Variants in AOX1 observed in about 807,000 individuals in gnomAD.
The protein encoded by AOX1 is aldehyde oxidase.
A neutral mutation model predicts 169.5 loss-of-function variants in AOX1; 153 were observed. The ratio of observed to expected loss-of-function variants is 0.90; its 90% CI spans 0.79 to 1.03. The LOEUF (loss-of-function observed/expected upper bound fraction) is 1.03. Among genes scored for constraint, AOX1 ranks in the 50% least tolerant of loss-of-function variants. The pLI, the probability that AOX1 is intolerant of heterozygous loss-of-function variation, is 0.00. For missense variants in AOX1, 1,656 were observed against 1,663.9 expected (o/e 1.00, Z 0.08); for synonymous variants, 562 against 581.9 (o/e 0.97, Z 0.49).
intron 26 of AOX1, among the ~76,000 whole-genome samples, chr2:200,651,768 T>C (rs1162929822): frequency 6.6e-6 from 1 of 152,236 alleles, no homozygotes; most frequent in Non-Finnish European, 1.5e-5. Context: ...CTCTTGCAGT[T>C]TAATTTCTTT....
At chr2:200,646,703 G>A (rs2035459642) in intron 25 of AOX1, among the ~76,000 whole-genome samples, 1 of 151,944 alleles carries the variant, frequency 6.6e-6, no homozygotes, top group Admixed American at 6.6e-5. Context: ...CATTTCTTAG[G>A]TCTATTAGTA....
At chr2:200,589,670 G>T (rs1463613469) in intron 1 of AOX1, among the ~76,000 whole-genome samples, 2 of 152,178 alleles carry the variant, frequency 1.3e-5, no homozygotes, top group African/African-American at 4.8e-5. Flanking sequence ...AACAATTGTT[G>T]CTATCTGGAC....
intron 24 of AOX1, among the ~76,000 whole-genome samples, chr2:200,641,695 T>A (rs960441402): frequency 5.4e-5 from 8 of 148,966 alleles, no homozygotes; most frequent in Non-Finnish European, 8.9e-5. Flanking sequence ...GCCTAGCTAA[T>A]TTTTTTTTAT....
At chr2:200,666,272 C>T (rs750427552) in intron 31 of AOX1, among the ~76,000 whole-genome samples, 1 of 152,154 alleles carries the variant, frequency 6.6e-6, no homozygotes, top group Non-Finnish European at 1.5e-5. Context: ...GTAAACATTC[C>T]TCAGCCAGTT....
intron 1 of AOX1, among the ~76,000 whole-genome samples, chr2:200,591,481 G>A (rs916992082): frequency 1.6e-4 from 24 of 152,198 alleles, no homozygotes; most frequent in African/African-American, 5.8e-4. Context: ...ATGCAGTGAA[G>A]GTGAAAGTCC....
At chr2:200,615,727 G>T (rs2034741473) in intron 15 of AOX1, among the ~76,000 whole-genome samples, 1 of 152,220 alleles carries the variant, frequency 6.6e-6, no homozygotes, top group South Asian at 2.1e-4. Flanking sequence ...GCTGGTGGAA[G>T]CCAGTTACCT....
intron 19 of AOX1, among the ~76,000 whole-genome samples, chr2:200,624,219 C>A (rs191238158): frequency 2.6e-5 from 4 of 152,198 alleles, no homozygotes; most frequent in Non-Finnish European, 5.9e-5. Context: ...CACAGATGGC[C>A]GCCAGGACAA....
chr2:200,613,552 A>G (rs2034689258), intron 14 of AOX1, among the ~76,000 whole-genome samples: 1 of 152,182 alleles, frequency 6.6e-6, no homozygotes, highest in Non-Finnish European at 1.5e-5. Flanking sequence ...TGGATTTTAT[A>G]TGAGTTGTCA....
intron 4 of AOX1, among the ~76,000 whole-genome samples, chr2:200,597,855 T>C (rs1352646608): frequency 6.6e-6 from 1 of 152,186 alleles, no homozygotes; most frequent in Non-Finnish European, 1.5e-5. Context: ...ACACCTGTAA[T>C]CCCAACACTT....
intron 21 of AOX1, among the ~76,000 whole-genome samples, chr2:200,636,549 A>G (rs1190533091): frequency 6.6e-6 from 1 of 152,216 alleles, no homozygotes; most frequent in East Asian, 1.9e-4. Context: ...GATTAGTGTG[A>G]ATAGAATACT....
rs937144407 is a variant in AOX1, at chr2:200,665,903, G to A, written c.3544-784G>A. Among the ~76,000 whole-genome samples the A allele has an allele frequency of 5.9e-5, 9 of 152,156 alleles. 1 individual carries two copies. Among genetic ancestry groups the A allele is most frequent in the African/African-American group, 2.2e-4 (9 of 41,428 alleles). Reference sequence around the variant, plus strand: ...TAAATAAGAAATGTGAGTTCCTGAAGTTTTATTATTGTCAAACATTCCAGA... The same window carrying A: ...TAAATAAGAAATGTGAGTTCCTGAAATTTTATTATTGTCAAACATTCCAGA... On this transcript the variant is annotated intron_variant, in intron 31 of 34. Coordinates refer to ENST00000374700, the MANE Select transcript of AOX1 (RefSeq NM_001159.4).
chr2:200,609,197 C>A, intron 11 of AOX1, 62 bp downstream of exon 11: 1 of 1,598,310 alleles, frequency 6.3e-7, no homozygotes, highest in Non-Finnish European at 8.5e-7. Context: ...CCTGATGAAT[C>A]ATGACATTTT....
rs759307760 is a variant in AOX1 at position 200,651,014 on chromosome 2, C to G, written c.2888C>G (p.Pro963Arg). ...INMYKEIDQT[P>R]YKQEINAKNL... ...ATGTACAAGGAAATTGATCAAACAC[C>G]CTACAAACAAGAGATCAATGCCAAG... is the stretch of plus-strand genomic sequence containing the variant. The change falls in exon 26 of 35, where the codon CCC becomes CGC. Residue 963 changes from proline to arginine, a missense_variant. By Grantham distance (103) the Pro-to-Arg change is moderately radical. Transcript: ENST00000374700. 11 of 1,614,012 alleles carry G rather than the reference C, an allele frequency of 6.8e-6. No individual in the cohort carries two copies. The highest frequency in any genetic ancestry group is 8.5e-6 in the Non-Finnish European group (10 of 1,180,036).
intron 21 of AOX1, among the ~76,000 whole-genome samples, chr2:200,636,117 CTTTTTTTTTT>C (rs765127387): frequency 1.9e-5 from 1 of 53,952 alleles, no homozygotes; most frequent in Non-Finnish European, 3.3e-5. Context: ...GTGAGAAGTG[CTTTTTTTTTT>C]TTTTTTTTTT....
At chr2:200,658,725 G>A (rs369738375) in intron 27 of AOX1, among the ~76,000 whole-genome samples, 6 of 152,266 alleles carry the variant, frequency 3.9e-5, no homozygotes, top group African/African-American at 1.2e-4. Context: ...CAAGGCCATC[G>A]TCCTTTCTCA....
chr2:200,591,797 G>A (rs569678077), intron 1 of AOX1, among the ~76,000 whole-genome samples: 2 of 152,234 alleles, frequency 1.3e-5, no homozygotes, highest in South Asian at 4.1e-4. Context: ...TGGTGCAGAG[G>A]ACGATATTGC....
At chr2:200,667,649 A>C (rs112517799) in intron 32 of AOX1, among the ~76,000 whole-genome samples, 42 of 151,798 alleles carry the variant, frequency 2.8e-4, no homozygotes, top group African/African-American at 9.7e-4. Context: ...ATGCCTGTTC[A>C]TGGCTGCTAA....
Position 200,609,322 on chromosome 2 carries a change from C to G in AOX1, c.1061C>G (p.Ser354Cys). ...AAAATAACTCATTATTTTTAAAAGT[C>G]TTTAGGGGGACACATCATTAGCAGG... ...LAGSQIRNMASLGGHIISRHP... is the reference protein window; with the variant it reads ...LAGSQIRNMACLGGHIISRHP... Residue 354 changes from serine to cysteine, a missense_variant and splice_region_variant, in exon 12 of 35, where the codon TCT (serine) becomes TGT (cysteine). Ser to Cys is a moderately radical substitution (Grantham distance 112). Coordinates refer to ENST00000374700, the MANE Select transcript of AOX1 (RefSeq NM_001159.4). 1 of 1,613,544 alleles carries G rather than the reference C, an allele frequency of 6.2e-7. No individual in the cohort carries two copies. The highest frequency in any genetic ancestry group is 8.5e-7 in the Non-Finnish European group (1 of 1,179,622).
rs1559237220 is a variant in AOX1 at position 200,611,429 on chromosome 2, G to T, written c.1199G>T (p.Cys400Phe). 2 of 1,614,038 alleles carry T rather than the reference G, an allele frequency of 1.2e-6. No homozygotes were observed. Among genetic ancestry groups the T allele is most frequent in the East Asian group, 4.5e-5 (2 of 44,882 alleles). ...TTAAATGAGCAATTCCTCAGCAAGT[G>T]CCCTAATGCAGATCTTAAGCCTCAA... ...IPLNEQFLSK[C>F]PNADLKPQEI... Residue 400 changes from cysteine to phenylalanine, a missense_variant, in exon 13 of 35, where the codon TGC becomes TTC. By Grantham distance (205) the Cys-to-Phe change is radical (BLOSUM62 -2). Transcript: ENST00000374700.
Sources: gnomAD v4.1 joint callset for allele counts (sites outside exome capture counted in the v4.1 genomes callset) on GRCh38, gnomAD v4.1.1 for gene constraint, MANE v1.5 for transcripts, NCBI Gene and HGNC (gene_info 2026-07-23, HGNC 2026-07-21) for gene names.